KCNK9: variants seen among roughly 807,000 people sequenced by gnomAD.
KCNK9 encodes potassium channel subfamily K member 9.
A neutral mutation model predicts 10.8 loss-of-function variants in KCNK9; 1 was observed. The observed-to-expected ratio is 0.09, with a 90% CI of 0.03 to 0.44. The LOEUF is 0.44. KCNK9 is among the 20% of genes least tolerant of loss of function. KCNK9 has a pLI of 0.97. For missense variants in KCNK9, 303 were observed against 515.0 expected (o/e 0.59, Z 3.98); for synonymous variants, 231 against 222.7 (o/e 1.04, Z -0.33).
intron 1 of KCNK9, among the ~76,000 whole-genome samples, chr8:139,681,141 C>T (rs1451603553): frequency 2.0e-5 from 3 of 152,208 alleles, no homozygotes; most frequent in African/African-American, 4.8e-5. Context: ...AAGCGCCTTC[C>T]ACATGTGATC....
At chr8:139,666,661 C>A (rs999814397) in intron 1 of KCNK9, among the ~76,000 whole-genome samples, 12 of 152,260 alleles carry the variant, frequency 7.9e-5, no homozygotes, top group Admixed American at 3.9e-4. Context: ...ACTGTGCATA[C>A]AGCAGGTGCT....
intron 1 of KCNK9, among the ~76,000 whole-genome samples, chr8:139,635,842 G>C (rs1047236684): frequency 3.3e-5 from 5 of 152,306 alleles, no homozygotes; most frequent in Admixed American, 6.5e-5. Flanking sequence ...ATGGCTGAGA[G>C]GAGGTGGTAT....
intron 1 of KCNK9, among the ~76,000 whole-genome samples, chr8:139,627,674 TGTAA>T (rs1815019214): frequency 1.3e-5 from 2 of 152,388 alleles, no homozygotes; most frequent in African/African-American, 2.4e-5. Context: ...AGCGTTTCAC[TGTAA>T]GTGATTAACA....
Position 139,618,156 on chromosome 8 carries a change from G to T in KCNK9, c.*102C>A. The T allele has an allele frequency of 7.0e-7, 1 of 1,438,846 alleles. No homozygotes were observed. Among genetic ancestry groups the T allele is most frequent in the Non-Finnish European group, 9.6e-7 (1 of 1,042,368 alleles). 89.1% of individuals were successfully genotyped at this position (1,438,846 alleles called of 1,614,324 possible). ...AGGAAGGAGAGAAAGTAATAATGAT[G>T]ACAATAATAATAATAAATAAATAAG... is the stretch of plus-strand genomic sequence containing the variant. On this transcript the variant is annotated 3_prime_UTR_variant, in exon 2 of 2. Transcript: ENST00000520439. This position sits in a 1 kb window ranked among gnomAD's most constrained non-coding sequence, Gnocchi z 7.9.
rs562918393 is a variant in KCNK9 at position 139,647,853 on chromosome 8, C to T, written c.284-28754G>A. Among the ~76,000 whole-genome samples, 113 of 152,268 alleles carry T rather than the reference C, an allele frequency of 7.4e-4. 1 individual carries two copies. Among genetic ancestry groups the T allele is most frequent in the African/African-American group, 2.6e-3 (108 of 41,556 alleles). On this transcript the variant is annotated intron_variant, in intron 1 of 1. Transcript: ENST00000520439. ...GTGGCTACCCCAGGACTGAAAATGG[C>T]GCAGCTGCTGTGGAAGGTCATGTGG...
At chr8:139,681,587 C>T (rs976087862) in intron 1 of KCNK9, among the ~76,000 whole-genome samples, 2 of 152,192 alleles carry the variant, frequency 1.3e-5, no homozygotes, top group Non-Finnish European at 2.9e-5. Context: ...GAACAAGGGT[C>T]GCTGGCTTTA....
At chr8:139,657,999 G>A (rs1586670257) in intron 1 of KCNK9, among the ~76,000 whole-genome samples, 1 of 152,190 alleles carries the variant, frequency 6.6e-6, no homozygotes, top group Non-Finnish European at 1.5e-5. Flanking sequence ...TATGGACAAT[G>A]GGCTATGGTT....
intron 1 of KCNK9, among the ~76,000 whole-genome samples, chr8:139,680,163 C>A (rs1210684317): frequency 6.6e-6 from 1 of 152,208 alleles, no homozygotes; most frequent in Non-Finnish European, 1.5e-5. Flanking sequence ...AGCGCCTCTG[C>A]CCAGAGCCAG....
At chr8:139,686,717 C>T (rs1415515272) in intron 1 of KCNK9, among the ~76,000 whole-genome samples, 1 of 152,174 alleles carries the variant, frequency 6.6e-6, no homozygotes, top group East Asian at 1.9e-4. Context: ...CAGTCTGGCT[C>T]CAAAACTCAT....
chr8:139,691,222 C>T (rs57682800), intron 1 of KCNK9, among the ~76,000 whole-genome samples: 5,528 of 152,200 alleles, frequency 0.036, 344 homozygotes, highest in African/African-American at 0.12. Flanking sequence ...TCATTTCATG[C>T]GTCCACAAGT....
At position 139,702,045 on chromosome 8, in the gene KCNK9, C is replaced by A. The variant is rs549013365; in HGVS notation, c.283+665G>T. Among the ~76,000 whole-genome samples, 1 of 152,182 alleles carries A rather than the reference C, an allele frequency of 6.6e-6. No homozygotes were observed. The highest frequency in any genetic ancestry group is 1.5e-5 in the Non-Finnish European group (1 of 68,036). On this transcript the variant is annotated intron_variant, in intron 1 of 1. Transcript: ENST00000520439. This position sits in a 1 kb window ranked among gnomAD's most constrained non-coding sequence, Gnocchi z 7.5. ...CCCCACTCTCCACCTCTACTGAGAG[C>A]AATTGAGGGGCTGCCACCCCCAACG...
At chr8:139,657,508 C>T (rs1276819639) in intron 1 of KCNK9, among the ~76,000 whole-genome samples, 1 of 152,100 alleles carries the variant, frequency 6.6e-6, no homozygotes, top group Non-Finnish European at 1.5e-5. Context: ...TGGAGCTTCT[C>T]ATCATCCTGC....
intron 1 of KCNK9, 72 bp from the exon 2 acceptor site, chr8:139,619,171 C>A: frequency 2.6e-6 from 4 of 1,559,906 alleles, no homozygotes; most frequent in East Asian, 4.5e-5. Context: ...AAGGGAGGGT[C>A]GACTTGGTGC....
At chr8:139,612,972 T>C (rs530154943), downstream of KCNK9, among the ~76,000 whole-genome samples, 2 of 152,292 alleles carry the variant, frequency 1.3e-5, no homozygotes, top group African/African-American at 4.8e-5. Context: ...CAAGCAATTA[T>C]GGGAGGTGAT....
chr8:139,637,539 CAAATACT>C (rs1815374219), intron 1 of KCNK9, among the ~76,000 whole-genome samples: 1 of 152,058 alleles, frequency 6.6e-6, no homozygotes, highest in Non-Finnish European at 1.5e-5. Flanking sequence ...CAGAGACAGA[CAAATACT>C]AAATGACGTC....
intron 1 of KCNK9, among the ~76,000 whole-genome samples, chr8:139,695,509 T>C (rs1416926575): frequency 6.6e-6 from 1 of 152,114 alleles, no homozygotes; most frequent in African/African-American, 2.4e-5. Context: ...ACACGGTGAG[T>C]GCACTGACCT....
rs76173274 is a variant in KCNK9, at chr8:139,663,271, G to A, written c.283+39439C>T. The stretch of plus-strand genomic sequence containing the variant: ...CCCAGGCCACCCAGCATCAAAGCCT[G>A]GGAGCATCCAGGTCTGAAGACAAAA... On this transcript the variant is annotated intron_variant, in intron 1 of 1. Transcript: ENST00000520439. 5.4e-3 allele frequency among the ~76,000 whole-genome samples: 828 copies of A among 152,190 alleles called. 13 individuals are homozygous for A. The highest frequency in any genetic ancestry group is 0.019 in the African/African-American group (796 of 41,544).
At chr8:139,623,233 A>AGCAC (rs1176747995) in intron 1 of KCNK9, among the ~76,000 whole-genome samples, 1 of 152,216 alleles carries the variant, frequency 6.6e-6, no homozygotes, top group Admixed American at 6.5e-5. Flanking sequence ...ACATTCCCCC[A>AGCAC]GCACCTGTGT....
At chr8:139,641,416 A>G (rs908645668) in intron 1 of KCNK9, among the ~76,000 whole-genome samples, 9 of 152,188 alleles carry the variant, frequency 5.9e-5, no homozygotes, top group African/African-American at 2.2e-4. Context: ...GCCAGCACAG[A>G]TGACTAGAGG....
Sources: gnomAD v4.1 joint callset for allele counts (sites outside exome capture counted in the v4.1 genomes callset) on GRCh38, gnomAD v4.1.1 for gene constraint, Gnocchi (gnomAD v3.1) non-coding constraint, MANE v1.5 for transcripts, NCBI Gene and HGNC (gene_info 2026-07-23, HGNC 2026-07-21) for gene names.